The following PPARGC1A variants were observed in gnomAD, a reference collection of about 807,000 sequenced individuals.
The protein encoded by PPARGC1A is peroxisome proliferator-activated receptor gamma coactivator 1-alpha.
In PPARGC1A, 25 loss-of-function variants were observed where a neutral mutation model predicts 88.7. The ratio of observed to expected loss-of-function variants is 0.28; its 90% CI spans 0.21 to 0.39. The LOEUF (loss-of-function observed/expected upper bound fraction) is 0.39. PPARGC1A is among the 10% of genes least tolerant of loss of function. The probability of loss-of-function intolerance (pLI) is 1.00; values close to 1 mark genes in which losing one functional copy is unlikely to be tolerated. For missense variants in PPARGC1A, 880 were observed against 968.7 expected (o/e 0.91, Z 1.22); for synonymous variants, 363 against 355.6 (o/e 1.02, Z -0.24).
chr4:23,893,179 G>A (rs1461062974), upstream of PPARGC1A, among the ~76,000 whole-genome samples: 5 of 149,514 alleles, frequency 3.3e-5, no homozygotes, highest in Admixed American at 6.7e-5. Context: ...CTAACAAAGA[G>A]AAAAAAAAAA....
chr4:24,106,250 T>C, the PPARGC1A span, among the ~76,000 whole-genome samples: 5 of 152,214 alleles, frequency 3.3e-5, no homozygotes, highest in Non-Finnish European at 7.3e-5. Context: ...AGTTTCTCCA[T>C]GTATCTGTTT....
Position 23,884,874 on chromosome 4 carries a change from G to C in PPARGC1A, c.112C>G (p.Leu38Val). 1 of 1,613,758 alleles carries C rather than the reference G, an allele frequency of 6.2e-7. No individual in the cohort carries two copies. Among genetic ancestry groups the C allele is most frequent in the South Asian group, 1.1e-5 (1 of 91,066 alleles). ...PLCPDLPELD[L>V]SELDVNDLDT... ...AAGTCGTTCACATCTAGTTCAGAAA[G>C]ATCAAGTTCAGGAAGATCTGGGCAA... Residue 38 changes from leucine to valine, a missense_variant, in exon 2 of 13, where the codon CTT becomes GTT. Transcript: ENST00000264867.
At chr4:24,099,988 G>A in the PPARGC1A span, among the ~76,000 whole-genome samples, 2 of 125,694 alleles carry the variant, frequency 1.6e-5, no homozygotes, top group Non-Finnish European at 3.3e-5. Flanking sequence ...GGGGGGAGGG[G>A]GGAGGGATAG....
chr4:24,115,690 T>C, the PPARGC1A span, among the ~76,000 whole-genome samples: 1 of 152,182 alleles, frequency 6.6e-6, no homozygotes, highest in African/African-American at 2.4e-5. Context: ...ATCGTTTTCA[T>C]ATATCAACGA....
the PPARGC1A span, among the ~76,000 whole-genome samples, chr4:24,139,137 CT>C: frequency 4.7e-3 from 673 of 144,528 alleles, 2 homozygotes; most frequent in African/African-American, 7.0e-3. Context: ...CTATCAGAAA[CT>C]TTTTTTTTTT....
At chr4:23,905,722 G>T (rs75585920), upstream of PPARGC1A, among the ~76,000 whole-genome samples, 6 of 152,072 alleles carry the variant, frequency 3.9e-5, no homozygotes, top group Non-Finnish European at 2.9e-5. Context: ...CTGATTCTAG[G>T]GATAAAATCA....
At chr4:24,282,762 T>A in the PPARGC1A span, among the ~76,000 whole-genome samples, 14 of 152,392 alleles carry the variant, frequency 9.2e-5, no homozygotes, top group African/African-American at 2.6e-4. Flanking sequence ...TTACCTTTTT[T>A]TCCAGCACTT....
chr4:24,193,449 C>G, the PPARGC1A span, among the ~76,000 whole-genome samples: 25 of 152,152 alleles, frequency 1.6e-4, no homozygotes, highest in Non-Finnish European at 3.2e-4. Context: ...AGAAGGGCAT[C>G]GTGGCAGGGA....
chr4:24,322,351 T>G, the PPARGC1A span, among the ~76,000 whole-genome samples: 1 of 152,268 alleles, frequency 6.6e-6, no homozygotes, highest in Non-Finnish European at 1.5e-5. Context: ...GCTTGAGTTG[T>G]AGCTTCGCTA....
At chr4:24,080,299 G>A in the PPARGC1A span, among the ~76,000 whole-genome samples, 416 of 151,888 alleles carry the variant, frequency 2.7e-3, 5 homozygotes, top group East Asian at 0.052. Context: ...TATTTTATGT[G>A]TTGGTACTAT....
At chr4:24,225,817 G>T in the PPARGC1A span, among the ~76,000 whole-genome samples, 2 of 152,126 alleles carry the variant, frequency 1.3e-5, no homozygotes, top group Admixed American at 1.3e-4. Context: ...GAAATGATTA[G>T]ATATTCAAGC....
chr4:24,052,686 C>G, the PPARGC1A span, among the ~76,000 whole-genome samples: 1 of 150,180 alleles, frequency 6.7e-6, no homozygotes, highest in Admixed American at 6.6e-5. Flanking sequence ...ATTTCCAGTG[C>G]TCTCATTTTA....
the PPARGC1A span, among the ~76,000 whole-genome samples, chr4:24,252,272 C>T: frequency 6.6e-6 from 1 of 152,236 alleles, no homozygotes; most frequent in South Asian, 2.1e-4. Context: ...ACTCCTGAGC[C>T]CCTCCCCAGA....
At chr4:24,455,424 T>C in the PPARGC1A span, among the ~76,000 whole-genome samples, 1 of 152,174 alleles carries the variant, frequency 6.6e-6, no homozygotes, top group Non-Finnish European at 1.5e-5. Context: ...AAGGCTGCAA[T>C]AGCCATCATT....
At chr4:24,377,955 A>T in the PPARGC1A span, among the ~76,000 whole-genome samples, 20 of 152,192 alleles carry the variant, frequency 1.3e-4, no homozygotes, top group African/African-American at 4.8e-4. Context: ...TCTTTCTTTG[A>T]ATATGCCACA....
the PPARGC1A span, among the ~76,000 whole-genome samples, chr4:24,270,854 T>C: frequency 6.6e-6 from 1 of 152,164 alleles, no homozygotes; most frequent in Non-Finnish European, 1.5e-5. Flanking sequence ...TGAAAACCAT[T>C]ACAAATAACC....
At chr4:24,069,506 G>A in the PPARGC1A span, among the ~76,000 whole-genome samples, 8 of 152,280 alleles carry the variant, frequency 5.3e-5, no homozygotes, top group East Asian at 1.4e-3. Context: ...TAGTGACACT[G>A]GTCATACTGC....
At chr4:24,234,725 C>G in the PPARGC1A span, among the ~76,000 whole-genome samples, 1 of 152,140 alleles carries the variant, frequency 6.6e-6, no homozygotes, top group African/African-American at 2.4e-5. Flanking sequence ...AGTAAAGTAG[C>G]CTGGGAAAGT....
At chr4:23,912,038 G>A in the PPARGC1A span, among the ~76,000 whole-genome samples, 1 of 152,126 alleles carries the variant, frequency 6.6e-6, no homozygotes, top group Non-Finnish European at 1.5e-5. Context: ...GAGACCATTA[G>A]GATAAGTCTG....
Sources: allele counts gnomAD v4.1 joint callset (sites outside exome capture counted in the v4.1 genomes callset), GRCh38; gene constraint gnomAD v4.1.1; transcripts MANE v1.5; gene names NCBI Gene and HGNC (gene_info 2026-07-23, HGNC 2026-07-21).